Variants in GRIP1 observed in about 807,000 individuals in gnomAD.
GRIP1 encodes the protein glutamate receptor interacting protein 1, also known as glutamate receptor-interacting protein 1.
GRIP1 carries 45 observed loss-of-function variants against 129.9 expected under a neutral mutation model. That is an observed-to-expected ratio of 0.35 (90% CI 0.27 to 0.44). The LOEUF (loss-of-function observed/expected upper bound fraction) is 0.44, where lower values mean the gene tolerates loss of function less well. Among genes scored for constraint, GRIP1 ranks in the 20% least tolerant of loss-of-function variants. The probability of loss-of-function intolerance (pLI) is 1.00; values close to 1 mark genes in which losing one functional copy is unlikely to be tolerated. For missense variants in GRIP1, 1,196 were observed against 1,396.8 expected (o/e 0.86, Z 2.29); for synonymous variants, 530 against 520.8 (o/e 1.02, Z -0.24).
chr12:67,066,978 A>G (rs1442890400), intron 1 of GRIP1, among the ~76,000 whole-genome samples: 5 of 150,144 alleles, frequency 3.3e-5, no homozygotes, highest in Non-Finnish European at 1.5e-5. Flanking sequence ...ACAAAACCAT[A>G]TATTTGTCCA....
At chr12:66,607,015 A>G (rs201738420) in intron 1 of GRIP1, among the ~76,000 whole-genome samples, 16 of 138,070 alleles carry the variant, frequency 1.2e-4, no homozygotes, top group Non-Finnish European at 2.3e-4. Context: ...GAGAGAGAGA[A>G]AGAGAGAGAG....
chr12:66,395,021 C>T (rs1328433436), intron 16 of GRIP1, among the ~76,000 whole-genome samples: 1 of 152,164 alleles, frequency 6.6e-6, no homozygotes, highest in East Asian at 1.9e-4. Context: ...AATGGAGTAA[C>T]AGCTGTTGTA....
chr12:66,601,438 T>C (rs1171512838), intron 1 of GRIP1, among the ~76,000 whole-genome samples: 2 of 152,196 alleles, frequency 1.3e-5, no homozygotes, highest in African/African-American at 2.4e-5. Context: ...TGGTTCCTGT[T>C]TCTCCATTTC....
chr12:66,455,236 C>G (rs2058922092), intron 11 of GRIP1, among the ~76,000 whole-genome samples, 173 bp downstream of exon 11: 1 of 152,186 alleles, frequency 6.6e-6, no homozygotes, highest in Admixed American at 6.5e-5. Flanking sequence ...CATTGCCAAA[C>G]AGATACTGGG....
intron 1 of GRIP1, among the ~76,000 whole-genome samples, chr12:66,818,306 G>A (rs2039259737): frequency 6.6e-6 from 1 of 152,086 alleles, no homozygotes; most frequent in Admixed American, 6.6e-5. Context: ...AGTATATTAG[G>A]AAGCTGCCAA....
intron 1 of GRIP1, among the ~76,000 whole-genome samples, chr12:66,753,691 A>C (rs375853931): frequency 1.7e-4 from 26 of 152,184 alleles, no homozygotes; most frequent in African/African-American, 6.0e-4. Context: ...AGCATTTATT[A>C]TGTATATTTA....
At chr12:66,578,698 C>T (rs971564675) in intron 2 of GRIP1, among the ~76,000 whole-genome samples, 7 of 152,326 alleles carry the variant, frequency 4.6e-5, no homozygotes, top group African/African-American at 1.7e-4. Flanking sequence ...GGCAGCGAGG[C>T]TGGGGGAGGG....
intron 4 of GRIP1, among the ~76,000 whole-genome samples, chr12:66,535,233 G>A (rs574260552): frequency 3.9e-5 from 6 of 152,144 alleles, no homozygotes; most frequent in African/African-American, 1.4e-4. Flanking sequence ...GTGTTTTATT[G>A]ATATTCATAT....
chr12:66,813,450 G>C (rs1024203220), intron 1 of GRIP1, among the ~76,000 whole-genome samples: 2 of 152,152 alleles, frequency 1.3e-5, no homozygotes, highest in Admixed American at 1.3e-4. Context: ...AACCATATCA[G>C]AGGAAACAGA....
intron 2 of GRIP1, among the ~76,000 whole-genome samples, chr12:66,586,295 C>T (rs2063633628): frequency 6.6e-6 from 1 of 152,134 alleles, no homozygotes; most frequent in Non-Finnish European, 1.5e-5. Flanking sequence ...AATATTTGAC[C>T]TAGTTTTTCT....
At chr12:66,448,280 A>G (rs1474897813) in intron 11 of GRIP1, among the ~76,000 whole-genome samples, 2 of 152,098 alleles carry the variant, frequency 1.3e-5, no homozygotes, top group Non-Finnish European at 2.9e-5. Flanking sequence ...CTGGGCTTAA[A>G]ATCTCAAAGT....
At chr12:66,775,542 G>C (rs1460907035) in intron 1 of GRIP1, among the ~76,000 whole-genome samples, 1 of 152,014 alleles carries the variant, frequency 6.6e-6, no homozygotes, top group African/African-American at 2.4e-5. Context: ...ACTGGTTCTG[G>C]GATGGAATCT....
chr12:66,362,824 C>T lies in GRIP1; in HGVS notation c.3012+8870G>A, dbSNP rs1188097805. ...GCACACTAGACACTAGCGAGCCTGCCGCAGAGGCGTCTGAGTCTAGGGGAT... is the reference window on the plus strand; with the variant it reads ...GCACACTAGACACTAGCGAGCCTGCTGCAGAGGCGTCTGAGTCTAGGGGAT... On this transcript the variant is annotated intron_variant, in intron 23 of 24. Coordinates refer to ENST00000359742, the MANE Select transcript of GRIP1 (RefSeq NM_001366722.1). 4.6e-5 allele frequency among the ~76,000 whole-genome samples: 7 copies of T among 151,736 alleles called. No individual in the cohort carries two copies. The East Asian group carries it at 9.7e-4, about 21-fold the overall frequency.
intron 1 of GRIP1, among the ~76,000 whole-genome samples, chr12:66,927,262 T>C (rs983527088): frequency 6.6e-6 from 1 of 152,198 alleles, no homozygotes; most frequent in African/African-American, 2.4e-5. Flanking sequence ...ATTAATGATT[T>C]TGGCTCCAAG....
At chr12:66,675,269 T>C (rs1401763885) in intron 1 of GRIP1, among the ~76,000 whole-genome samples, 4 of 152,028 alleles carry the variant, frequency 2.6e-5, no homozygotes, top group Non-Finnish European at 4.4e-5. Context: ...TAAATATTAA[T>C]TGGCTGATGT....
intron 1 of GRIP1, among the ~76,000 whole-genome samples, chr12:66,813,036 T>C (rs1436563406): frequency 6.6e-6 from 1 of 152,066 alleles, no homozygotes; most frequent in East Asian, 1.9e-4. Context: ...TGAGGAGGTG[T>C]GTTAGTCTGT....
chr12:66,872,172 C>A (rs1180102856), intron 1 of GRIP1, among the ~76,000 whole-genome samples: 1 of 152,008 alleles, frequency 6.6e-6, no homozygotes, highest in Non-Finnish European at 1.5e-5. Flanking sequence ...GCCAGTTAGT[C>A]AGTTGCTCCT....
chr12:66,533,466 A>G (rs11614590), intron 4 of GRIP1, among the ~76,000 whole-genome samples: 32,740 of 151,796 alleles, frequency 0.22, 3,779 homozygotes, highest in African/African-American at 0.31. Flanking sequence ...TCAATGTGGT[A>G]AAACCCCATC....
chr12:66,670,251 A>G (rs1207932158), intron 1 of GRIP1, among the ~76,000 whole-genome samples: 1 of 152,234 alleles, frequency 6.6e-6, no homozygotes, highest in African/African-American at 2.4e-5. Flanking sequence ...TCCATATAAT[A>G]ACCTTCCGCA....
Sources: allele counts gnomAD v4.1 joint callset (sites outside exome capture counted in the v4.1 genomes callset), GRCh38; gene constraint gnomAD v4.1.1; transcripts MANE v1.5; gene names NCBI Gene and HGNC (gene_info 2026-07-23, HGNC 2026-07-21).